ACSL5: variants seen among roughly 807,000 people sequenced by gnomAD.
ACSL5 encodes long-chain-fatty-acid--CoA ligase 5.
ACSL5 carries 50 observed loss-of-function variants against 84.9 expected under a neutral mutation model. That is an observed-to-expected ratio of 0.59 (90% CI 0.47 to 0.75). The LOEUF (loss-of-function observed/expected upper bound fraction) is 0.75, where lower values mean the gene tolerates loss of function less well. Ranked by LOEUF, ACSL5 falls within the 30% of genes least tolerant of loss-of-function variation. ACSL5 has a pLI of 0.00. For missense variants in ACSL5, 775 were observed against 830.4 expected, an observed-to-expected ratio of 0.93 and a Z score of 0.82; for synonymous variants, 280 against 300.7, an observed-to-expected ratio of 0.93 and a Z score of 0.71.
intron 1 of ACSL5, among the ~76,000 whole-genome samples, chr10:112,393,257 T>A (rs1417412891): frequency 7.9e-5 from 12 of 152,130 alleles, no homozygotes; most frequent in Admixed American, 7.9e-4. Flanking sequence ...TGGCTTTTAT[T>A]TTTGTTTTTA....
chr10:112,382,154 A>G (rs1364139053), intron 1 of ACSL5, among the ~76,000 whole-genome samples: 1 of 152,216 alleles, frequency 6.6e-6, no homozygotes, highest in Non-Finnish European at 1.5e-5. Context: ...AAATGGATAC[A>G]TTATGAGGGA....
chr10:112,426,600 G>A (rs1342930765), intron 19 of ACSL5, 188 bp from the exon 20 acceptor site: 1 of 628,774 alleles, frequency 1.6e-6, no homozygotes, highest in African/African-American at 1.8e-5. Flanking sequence ...AGAGAAAACT[G>A]TTAACACTTA....
chr10:112,401,835 T>C (rs145744746), intron 3 of ACSL5, among the ~76,000 whole-genome samples: 60 of 101,246 alleles, frequency 5.9e-4, no homozygotes, highest in African/African-American at 1.4e-3. Flanking sequence ...TTTCTTTCTT[T>C]CTTTCTTCCT....
chr10:112,392,112 G>A (rs1843654424), intron 1 of ACSL5, among the ~76,000 whole-genome samples: 1 of 152,186 alleles, frequency 6.6e-6, no homozygotes, highest in Admixed American at 6.5e-5. Context: ...CGAACAGGAG[G>A]GTGTTGGTAA....
intron 2 of ACSL5, among the ~76,000 whole-genome samples, chr10:112,397,297 G>A (rs2133597261): frequency 6.6e-6 from 1 of 152,026 alleles, no homozygotes; most frequent in South Asian, 2.1e-4. Flanking sequence ...AGCCTCTCGA[G>A]TAGCTGGGAT....
chr10:112,376,967 CAG>C (rs1282077994), intron 1 of ACSL5, among the ~76,000 whole-genome samples: 1 of 151,380 alleles, frequency 6.6e-6, no homozygotes, highest in Non-Finnish European at 1.5e-5. Context: ...CAAAGACCCT[CAG>C]GGAGTAAGCA....
At chr10:112,416,122 A>G (rs1324705097) in intron 12 of ACSL5, among the ~76,000 whole-genome samples, 1 of 152,216 alleles carries the variant, frequency 6.6e-6, no homozygotes, top group African/African-American at 2.4e-5. Flanking sequence ...CTCCAAGTTC[A>G]GTTATATAAG....
Position 112,426,278 on chromosome 10 carries a change from G to C in ACSL5, c.1758G>C (p.Val586=). The C allele has an allele frequency of 6.2e-7, 1 of 1,614,114 alleles. No individual in the cohort carries two copies. Among genetic ancestry groups the C allele is most frequent in the Non-Finnish European group, 8.5e-7 (1 of 1,179,980 alleles). Residue 586 remains valine, a synonymous_variant, in exon 19 of 21, where the codon GTG becomes GTC. Coordinates refer to ENST00000354655, the MANE Select transcript of ACSL5 (RefSeq NM_203379.2). The stretch of plus-strand genomic sequence containing the variant: ...CATAGTCATCCTTAGTAGGAGTGGT[G>C]GTTCCTGACACAGATGTACTTCCCT... ...ESLRSSLVGV[V]VPDTDVLPSF... is the part of the protein sequence containing the mutation.
chr10:112,388,554 A>G (rs1206567819), intron 1 of ACSL5, among the ~76,000 whole-genome samples: 1 of 152,082 alleles, frequency 6.6e-6, no homozygotes. Flanking sequence ...GACCTGGAAA[A>G]CTGTTCATTT....
intron 7 of ACSL5, chr10:112,410,090 A>C (rs938536552): frequency 4.2e-5 from 24 of 570,708 alleles, no homozygotes; most frequent in Non-Finnish European, 5.1e-5. Flanking sequence ...TCTTGTAAAG[A>C]GTTAGCTTAA....
intron 6 of ACSL5, 91 bp from the exon 7 acceptor site, chr10:112,409,416 T>A (rs751951360): frequency 8.1e-7 from 1 of 1,227,912 alleles, no homozygotes; most frequent in Non-Finnish European, 1.2e-6. Flanking sequence ...CCTGTTAGCT[T>A]TGAAAACTTT....
intron 17 of ACSL5, 51 bp from the exon 18 acceptor site, chr10:112,425,287 A>C: frequency 6.5e-7 from 1 of 1,527,824 alleles, no homozygotes; most frequent in Non-Finnish European, 8.9e-7. Flanking sequence ...CTCCCCACTG[A>C]TATCATCTCT....
Position 112,394,909 on chromosome 10 carries a change from T to G in ACSL5, c.-29-9T>G. The G allele has an allele frequency of 6.2e-7, 1 of 1,610,200 alleles. No individual in the cohort carries two copies. Among genetic ancestry groups the G allele is most frequent in the Non-Finnish European group, 8.5e-7 (1 of 1,179,184 alleles). ...CTCTAAATTTTCTTTCCCCTGTTTT[T>G]TTTTTAAGGTCTGAATTTCCTGCTG... On this transcript the variant is annotated splice_polypyrimidine_tract_variant and intron_variant, in intron 1 of 20. Transcript: ENST00000354655.
chr10:112,389,347 G>A (rs1849513320), intron 1 of ACSL5, among the ~76,000 whole-genome samples: 1 of 152,130 alleles, frequency 6.6e-6, no homozygotes. Flanking sequence ...GCCCTGGAGT[G>A]GATCAAGGAC....
intron 13 of ACSL5, 106 bp downstream of exon 13, chr10:112,417,128 A>C: frequency 7.7e-7 from 1 of 1,303,908 alleles, no homozygotes; most frequent in Admixed American, 2.3e-5. Context: ...TTAACTAGAG[A>C]TCCTTTCAGA....
intron 1 of ACSL5, chr10:112,376,199 A>C: frequency 6.9e-7 from 1 of 1,443,174 alleles, no homozygotes; most frequent in Non-Finnish European, 9.4e-7. Flanking sequence ...AAAAAAAATT[A>C]AAACCAGGAA....
intron 1 of ACSL5, among the ~76,000 whole-genome samples, chr10:112,388,415 A>G (rs1849495988): frequency 6.6e-6 from 1 of 152,124 alleles, no homozygotes; most frequent in Non-Finnish European, 1.5e-5. Flanking sequence ...CAAAGTATTG[A>G]TTAGGGAGCA....
At chr10:112,384,105 G>T (rs1849403981) in intron 1 of ACSL5, among the ~76,000 whole-genome samples, 1 of 151,900 alleles carries the variant, frequency 6.6e-6, no homozygotes, top group Non-Finnish European at 1.5e-5. Flanking sequence ...AGAATCGCTT[G>T]AACCCAGGAG....
intron 3 of ACSL5, among the ~76,000 whole-genome samples, chr10:112,401,485 G>T (rs544770432): frequency 3.9e-4 from 59 of 152,372 alleles, no homozygotes; most frequent in African/African-American, 1.4e-3. Flanking sequence ...ACTTTGCCAA[G>T]AATTTGTTAA....
Sources: gnomAD v4.1 joint callset for allele counts (sites outside exome capture counted in the v4.1 genomes callset) on GRCh38, gnomAD v4.1.1 for gene constraint, MANE v1.5 for transcripts, NCBI Gene and HGNC (gene_info 2026-07-23, HGNC 2026-07-21) for gene names.